NLGN1: variants seen among roughly 807,000 people sequenced by gnomAD.
NLGN1 encodes the protein neuroligin 1, also known as neuroligin-1.
Under a neutral mutation model 65.5 loss-of-function variants are expected in NLGN1, and 12 were observed. That is an observed-to-expected ratio of 0.18 (90% CI 0.12 to 0.30). The LOEUF (loss-of-function observed/expected upper bound fraction) is 0.30. Among genes scored for constraint, NLGN1 ranks in the 10% least tolerant of loss-of-function variants. The probability of loss-of-function intolerance (pLI) is 1.00; values close to 1 mark genes in which losing one functional copy is unlikely to be tolerated. For missense variants in NLGN1, 750 were observed against 1,007.1 expected, an observed-to-expected ratio of 0.74 and a Z score of 3.46; for synonymous variants, 350 against 359.5, an observed-to-expected ratio of 0.97 and a Z score of 0.30.
intron 4 of NLGN1, among the ~76,000 whole-genome samples, chr3:173,908,032 T>C (rs751651042): frequency 1.6e-4 from 24 of 152,234 alleles, no homozygotes; most frequent in Non-Finnish European, 2.9e-4. Context: ...TTGCTTTATC[T>C]CTTTTACCTT....
intron 4 of NLGN1, among the ~76,000 whole-genome samples, chr3:174,216,010 C>A (rs1267407569): frequency 6.6e-6 from 1 of 151,982 alleles, no homozygotes; most frequent in Admixed American, 6.6e-5. Context: ...AAAATGTGAC[C>A]CAAAGGAGAT....
intron 4 of NLGN1, among the ~76,000 whole-genome samples, chr3:173,861,743 T>C (rs933104496): frequency 2.0e-5 from 3 of 151,948 alleles, no homozygotes; most frequent in African/African-American, 7.3e-5. Flanking sequence ...TGTGTGTTTC[T>C]AAATTTTTCA....
rs142824760 is a variant in NLGN1 at position 174,272,026 on chromosome 3, AAAT to A, written c.647-3281_647-3279del. 4.9e-3 allele frequency among the ~76,000 whole-genome samples: 747 copies of A among 151,854 alleles called. 6 individuals are homozygous for A. The highest frequency in any genetic ancestry group is 0.017 in the African/African-American group (714 of 41,506). On this transcript the variant is annotated intron_variant, in intron 4 of 6. Transcript: ENST00000457714. ...TAGTCATTATTGTTCTATTTTACAA[AAAT>A]AATAATATGTCAATGTGTTACAATA...
chr3:173,628,176 A>G (rs1416431451), intron 3 of NLGN1, among the ~76,000 whole-genome samples: 1 of 152,118 alleles, frequency 6.6e-6, no homozygotes, highest in Non-Finnish European at 1.5e-5. Flanking sequence ...CCTCACCTCT[A>G]GGATGACCTT....
rs1453078778 is a variant in NLGN1 at position 174,021,212 on chromosome 3, A to G, written c.646+213380A>G. On this transcript the variant is annotated intron_variant, in intron 4 of 6. Coordinates refer to ENST00000457714, the Ensembl canonical transcript of NLGN1. ...ATATTAGTGCTCCAGCCAGCTAAAT[A>G]TATTAGCTGGCTTCCATCTCTTGGT... Among the ~76,000 whole-genome samples the G allele has an allele frequency of 3.3e-5, 5 of 152,176 alleles. No homozygotes were observed. In the East Asian group the frequency reaches 7.8e-4, roughly 24 times the overall value.
intron 3 of NLGN1, among the ~76,000 whole-genome samples, chr3:173,707,866 T>C (rs865968910): frequency 3.7e-4 from 57 of 152,310 alleles, no homozygotes; most frequent in Middle Eastern, 3.4e-3. Context: ...TACCTCACCA[T>C]TGTTGAATAT....
At chr3:173,994,676 TTCTC>T (rs1043100251) in intron 4 of NLGN1, among the ~76,000 whole-genome samples, 1 of 152,156 alleles carries the variant, frequency 6.6e-6, no homozygotes, top group African/African-American at 2.4e-5. Context: ...AATCCTTTAT[TTCTC>T]TCTACTAGCG....
chr3:173,668,623 T>TC (rs896761816), intron 3 of NLGN1, among the ~76,000 whole-genome samples: 12 of 149,254 alleles, frequency 8.0e-5, no homozygotes, highest in African/African-American at 2.7e-4. Flanking sequence ...TCTTTTCTTT[T>TC]TTTTTTTTTT....
At chr3:173,817,678 C>G (rs1246176204) in intron 4 of NLGN1, among the ~76,000 whole-genome samples, 1 of 152,150 alleles carries the variant, frequency 6.6e-6, no homozygotes, top group African/African-American at 2.4e-5. Flanking sequence ...ATTTCAGAGA[C>G]TGGCAAATAT....
At chr3:173,809,435 A>G (rs1717407303) in intron 4 of NLGN1, among the ~76,000 whole-genome samples, 1 of 152,108 alleles carries the variant, frequency 6.6e-6, no homozygotes, top group Non-Finnish European at 1.5e-5. Context: ...TATTATTCTT[A>G]TATTTTTCTA....
intron 3 of NLGN1, among the ~76,000 whole-genome samples, chr3:173,637,731 G>A (rs1214766563): frequency 6.6e-6 from 1 of 152,158 alleles, no homozygotes; most frequent in South Asian, 2.1e-4. Context: ...TGGGTGAAAA[G>A]ACCAATGGGA....
chr3:173,824,094 A>G (rs1473000425), intron 4 of NLGN1, among the ~76,000 whole-genome samples: 5 of 152,060 alleles, frequency 3.3e-5, no homozygotes, highest in Non-Finnish European at 5.9e-5. Flanking sequence ...CAAAGACACA[A>G]AAGTACAATA....
intron 4 of NLGN1, among the ~76,000 whole-genome samples, chr3:174,260,125 A>G (rs1746589016): frequency 6.6e-6 from 1 of 151,800 alleles, no homozygotes; most frequent in Non-Finnish European, 1.5e-5. Flanking sequence ...TGCTATTGTG[A>G]ATAATGCCGC....
chr3:173,912,176 A>G (rs1340425824), intron 4 of NLGN1, among the ~76,000 whole-genome samples: 1 of 152,188 alleles, frequency 6.6e-6, no homozygotes, highest in African/African-American at 2.4e-5. Context: ...GTAGACAATA[A>G]GTATTCACTT....
chr3:174,005,404 C>T (rs1724160842), intron 4 of NLGN1, among the ~76,000 whole-genome samples: 1 of 152,102 alleles, frequency 6.6e-6, no homozygotes, highest in Non-Finnish European at 1.5e-5. Context: ...ATGTAAGTGC[C>T]TGGCATGTAG....
intron 2 of NLGN1, among the ~76,000 whole-genome samples, chr3:173,453,992 A>G (rs190544457): frequency 6.6e-6 from 1 of 152,352 alleles, no homozygotes; most frequent in Admixed American, 6.5e-5. Context: ...TAAGACTTGA[A>G]AGTTGAAATT....
chr3:173,419,418 C>G (rs549607951), intron 1 of NLGN1, among the ~76,000 whole-genome samples: 14 of 151,708 alleles, frequency 9.2e-5, no homozygotes, highest in African/African-American at 3.1e-4. Context: ...TAGCATGTCT[C>G]TGGTTGCAGA....
At chr3:174,230,063 A>T (rs938354311) in intron 4 of NLGN1, among the ~76,000 whole-genome samples, 8 of 152,184 alleles carry the variant, frequency 5.3e-5, no homozygotes, top group African/African-American at 1.7e-4. Flanking sequence ...GAAATTTCCT[A>T]CAAGTGAAGG....
chr3:174,044,045 T>C (rs1732960217), intron 4 of NLGN1, among the ~76,000 whole-genome samples: 1 of 152,142 alleles, frequency 6.6e-6, no homozygotes, highest in African/African-American at 2.4e-5. Context: ...TGCCGAGGCT[T>C]AGGGCTTGCA....
Sources: allele counts gnomAD v4.1 joint callset (sites outside exome capture counted in the v4.1 genomes callset), GRCh38; gene constraint gnomAD v4.1.1; transcripts MANE v1.5; gene names NCBI Gene and HGNC (gene_info 2026-07-23, HGNC 2026-07-21).